CDH1: variants seen among roughly 807,000 people sequenced by gnomAD.
The protein encoded by CDH1 is cadherin 1.
In CDH1, 35 loss-of-function variants were observed where a neutral mutation model predicts 84.5. The observed-to-expected ratio is 0.41, with a 90% CI of 0.32 to 0.55. CDH1 has a LOEUF of 0.55. Among genes scored for constraint, CDH1 ranks in the 20% least tolerant of loss-of-function variants. The pLI is 0.19. For missense variants in CDH1, 994 were observed against 1,126.6 expected, an observed-to-expected ratio of 0.88 and a Z score of 1.68; for synonymous variants, 417 against 439.0, an observed-to-expected ratio of 0.95 and a Z score of 0.63.
At chr16:68,758,207 C>CTT (rs57413297) in intron 2 of CDH1, among the ~76,000 whole-genome samples, 474 of 40,048 alleles carry the variant, frequency 0.012, 112 homozygotes, top group African/African-American at 0.044. Flanking sequence ...CTTTTTATTT[C>CTT]TTTTTTTTTT....
intron 12 of CDH1, chr16:68,822,496 T>G (rs755896473): frequency 3.6e-6 from 2 of 557,356 alleles, no homozygotes; most frequent in Non-Finnish European, 6.5e-6. Context: ...CCTCTCCACT[T>G]GCAACCAGGA....
intron 2 of CDH1, among the ~76,000 whole-genome samples, chr16:68,781,499 C>G (rs766195534): frequency 3.9e-5 from 6 of 152,076 alleles, no homozygotes; most frequent in Non-Finnish European, 8.8e-5. Context: ...TGCCACTACA[C>G]CTGGCTAATT....
At position 68,737,392 on chromosome 16, in the gene CDH1, C is replaced by G. The variant is rs730881644; in HGVS notation, c.-24C>G. ...GACCCGACCGCACCCGGCGCCTGCC[C>G]TCGCTCGGCGTCCCCGGCCAGCCAT... On this transcript the variant is annotated 5_prime_UTR_variant, in exon 1 of 16. Coordinates refer to ENST00000261769, the MANE Select transcript of CDH1 (RefSeq NM_004360.5). The G allele has an allele frequency of 2.6e-6, 4 of 1,529,970 alleles. No homozygotes were observed. Among genetic ancestry groups the G allele is most frequent in the Non-Finnish European group, 3.5e-6 (4 of 1,144,450 alleles). 94.8% of individuals were successfully genotyped at this position (1,529,970 alleles called of 1,614,324 possible).
At chr16:68,769,104 C>G (rs1959470124) in intron 2 of CDH1, among the ~76,000 whole-genome samples, 1 of 152,168 alleles carries the variant, frequency 6.6e-6, no homozygotes, top group South Asian at 2.1e-4. Context: ...TTGTCTCCCT[C>G]TCTTTGAATA....
At position 68,834,883 on chromosome 16, in the gene CDH1, T is replaced by C. The variant is rs1961596291; in HGVS notation, c.*1384T>C. On this transcript the variant is annotated 3_prime_UTR_variant, in exon 16 of 16. Transcript: ENST00000261769. ...TTGGAGATGGCAGGAGAGCTTGTCA[T>C]TGAGCCTGGCAATTTAGCAAACTGA... The C allele has an allele frequency of 8.6e-6, 2 of 232,526 alleles. No homozygotes were observed. Among genetic ancestry groups the C allele is most frequent in the Non-Finnish European group, 1.7e-5 (2 of 117,352 alleles). 14.4% of individuals were successfully genotyped at this position (232,526 alleles called of 1,614,324 possible).
At chr16:68,819,764 A>G (rs1961091216) in intron 11 of CDH1, among the ~76,000 whole-genome samples, 1 of 151,874 alleles carries the variant, frequency 6.6e-6, no homozygotes, top group Admixed American at 6.6e-5. Flanking sequence ...ACATTATCGA[A>G]CTCCGACTTC....
rs142572270 is a variant in CDH1 at position 68,740,950 on chromosome 16, C to A, written c.163+2539C>A. On this transcript the variant is annotated intron_variant, in intron 2 of 15. Transcript: ENST00000261769. ...TTTTCACCTCAATAACCTGAAAAAA[C>A]AAAAACAAAGAAAAAAGGTGTTTGG... 2.8e-3 allele frequency among the ~76,000 whole-genome samples: 432 copies of A among 151,730 alleles called. 1 individual carries two copies. Among genetic ancestry groups the A allele is most frequent in the African/African-American group, 9.9e-3 (409 of 41,344 alleles).
chr16:68,822,314 A>G, intron 12 of CDH1, 89 bp downstream of exon 12: 1 of 870,310 alleles, frequency 1.1e-6, no homozygotes, highest in Non-Finnish European at 1.9e-6. Context: ...TCCCTTCTCA[A>G]CTTCTAGATG....
intron 2 of CDH1, among the ~76,000 whole-genome samples, chr16:68,755,859 G>A (rs773339774): frequency 3.3e-5 from 5 of 151,488 alleles, no homozygotes. Context: ...TGCCTCCCGG[G>A]TTCAAGCGAT....
intron 1 of CDH1, 48 bp from the exon 2 acceptor site, chr16:68,738,249 G>A: frequency 2.4e-6 from 3 of 1,275,828 alleles, no homozygotes; most frequent in Non-Finnish European, 3.3e-6. Flanking sequence ...GTGAGCAGGA[G>A]GGAACCCTCC....
At chr16:68,744,170 A>T (rs1448755206) in intron 2 of CDH1, among the ~76,000 whole-genome samples, 2 of 152,186 alleles carry the variant, frequency 1.3e-5, no homozygotes, top group Admixed American at 1.3e-4. Flanking sequence ...AACTCTATGG[A>T]CTTGGTCCAG....
chr16:68,751,122 G>T (rs948324199), intron 2 of CDH1, among the ~76,000 whole-genome samples: 2 of 152,110 alleles, frequency 1.3e-5, no homozygotes, highest in African/African-American at 4.8e-5. Context: ...CCATCCATCA[G>T]TCAGAGTTGA....
At chr16:68,798,124 A>C (rs1372534268) in intron 2 of CDH1, among the ~76,000 whole-genome samples, 2 of 151,694 alleles carry the variant, frequency 1.3e-5, no homozygotes, top group Non-Finnish European at 2.9e-5. Flanking sequence ...AGTAGTGGGG[A>C]GTGGGGTCTT....
chr16:68,777,533 C>CTTTTTTT (rs1422494271), intron 2 of CDH1, among the ~76,000 whole-genome samples: 2 of 86,592 alleles, frequency 2.3e-5, no homozygotes, highest in African/African-American at 8.0e-5. Context: ...GGTAATGTTT[C>CTTTTTTT]CTTTTTTTTT....
At chr16:68,775,331 G>A (rs536268712) in intron 2 of CDH1, among the ~76,000 whole-genome samples, 4 of 152,184 alleles carry the variant, frequency 2.6e-5, no homozygotes, top group Non-Finnish European at 4.4e-5. Context: ...CTAAGAAAAC[G>A]TATAATGTCA....
At chr16:68,760,105 T>A (rs1465359249) in intron 2 of CDH1, among the ~76,000 whole-genome samples, 1 of 116,266 alleles carries the variant, frequency 8.6e-6, no homozygotes, top group African/African-American at 2.9e-5. Context: ...TTTTTTTTAA[T>A]TTTTTTTTTT....
intron 2 of CDH1, among the ~76,000 whole-genome samples, chr16:68,740,905 C>G (rs1465092788): frequency 6.6e-6 from 1 of 152,030 alleles, no homozygotes; most frequent in African/African-American, 2.4e-5. Context: ...TTGGTCTTTT[C>G]TCTTCCTTTT....
At chr16:68,826,466 C>G (rs890615800) in intron 13 of CDH1, 1 of 152,188 alleles carries the variant, frequency 6.6e-6, no homozygotes, top group East Asian at 1.9e-4. Flanking sequence ...TTCTTAAGGG[C>G]ACAAATGTGC....
chr16:68,791,928 T>C (rs1597877997), intron 2 of CDH1, among the ~76,000 whole-genome samples: 2 of 151,730 alleles, frequency 1.3e-5, no homozygotes, highest in East Asian at 3.9e-4. Context: ...ATTTTGTTTG[T>C]TTATTTTTTT....
Sources: gnomAD v4.1 joint callset for allele counts (sites outside exome capture counted in the v4.1 genomes callset) on GRCh38, gnomAD v4.1.1 for gene constraint, MANE v1.5 for transcripts, NCBI Gene and HGNC (gene_info 2026-07-23, HGNC 2026-07-21) for gene names.